NCOA1: variants seen among roughly 807,000 people sequenced by gnomAD.
The protein encoded by NCOA1 is nuclear receptor coactivator 1, also known as Hin-2 protein.
NCOA1 carries 35 observed loss-of-function variants against 150.9 expected under a neutral mutation model. That is an observed-to-expected ratio of 0.23 (90% CI 0.18 to 0.31). The LOEUF (loss-of-function observed/expected upper bound fraction) is 0.31. NCOA1 is among the 10% of genes least tolerant of loss of function. The pLI is 1.00. For synonymous variants in NCOA1, 590 were observed against 630.0 expected, an observed-to-expected ratio of 0.94 and a Z score of 0.95; for missense variants, 1,491 against 1,749.3, an observed-to-expected ratio of 0.85 and a Z score of 2.63.
chr2:24,547,783 T>C (rs773413549), intron 1 of NCOA1, among the ~76,000 whole-genome samples: 1 of 151,702 alleles, frequency 6.6e-6, no homozygotes, highest in Non-Finnish European at 1.5e-5. Context: ...GCTCAGGAGA[T>C]CAAGACCATG....
chr2:24,625,241 C>T (rs914571985), intron 3 of NCOA1, among the ~76,000 whole-genome samples: 1 of 150,770 alleles, frequency 6.6e-6, no homozygotes, highest in Non-Finnish European at 1.5e-5. Flanking sequence ...TGGTATACAC[C>T]TGTAATCCCT....
intron 14 of NCOA1, among the ~76,000 whole-genome samples, chr2:24,722,777 A>T (rs1480278667): frequency 1.3e-5 from 2 of 152,100 alleles, no homozygotes; most frequent in African/African-American, 2.4e-5. Flanking sequence ...GTACCTAAAA[A>T]GATCCATTTT....
At chr2:24,546,804 C>T (rs1449122151) in intron 1 of NCOA1, among the ~76,000 whole-genome samples, 1 of 152,224 alleles carries the variant, frequency 6.6e-6, no homozygotes, top group African/African-American at 2.4e-5. Flanking sequence ...CAGTCTCAGG[C>T]TTTCTTCACA....
At chr2:24,744,567 A>C (rs1001443224) in intron 19 of NCOA1, among the ~76,000 whole-genome samples, 4 of 152,252 alleles carry the variant, frequency 2.6e-5, no homozygotes, top group Admixed American at 1.3e-4. Context: ...GTTCTGGAAA[A>C]GTTCCAGCCT....
intron 1 of NCOA1, among the ~76,000 whole-genome samples, chr2:24,535,063 A>G (rs1208521517): frequency 6.6e-6 from 1 of 152,108 alleles, no homozygotes; most frequent in Non-Finnish European, 1.5e-5. Context: ...AAAGTCTCCC[A>G]TTATTATTAT....
At position 24,583,090 on chromosome 2, in the gene NCOA1, C is replaced by T. The variant is rs1469823606; in HGVS notation, c.-259-1386C>T. Among the ~76,000 whole-genome samples the T allele has an allele frequency of 6.6e-5, 10 of 152,170 alleles. No homozygotes were observed. The East Asian group carries it at 1.9e-3, about 29-fold the overall frequency. On this transcript the variant is annotated intron_variant, in intron 2 of 22. Transcript: ENST00000348332. ...ATGGTATTATATCAAGCTAAAAAACCTCACAGCAGAGAAAACAATCAACAG... is the reference window on the plus strand; with the variant it reads ...ATGGTATTATATCAAGCTAAAAAACTTCACAGCAGAGAAAACAATCAACAG...
At chr2:24,527,069 C>T (rs780097289) in intron 1 of NCOA1, among the ~76,000 whole-genome samples, 6 of 152,054 alleles carry the variant, frequency 3.9e-5, no homozygotes, top group Non-Finnish European at 8.8e-5. Flanking sequence ...GGGAACTAAT[C>T]CCCCACAGAT....
At chr2:24,728,950 A>G (rs1315554334) in intron 16 of NCOA1, among the ~76,000 whole-genome samples, 1 of 152,240 alleles carries the variant, frequency 6.6e-6, no homozygotes, top group East Asian at 1.9e-4. Flanking sequence ...ATGTTTTGTG[A>G]AACTCCTTTC....
chr2:24,663,336 A>G (rs1558883664), intron 5 of NCOA1, among the ~76,000 whole-genome samples: 1 of 152,164 alleles, frequency 6.6e-6, no homozygotes, highest in African/African-American at 2.4e-5. Flanking sequence ...CTCTAGGTCT[A>G]GATGTACTTC....
At chr2:24,494,947 G>C (rs1663136108) in intron 1 of NCOA1, among the ~76,000 whole-genome samples, 1 of 152,136 alleles carries the variant, frequency 6.6e-6, no homozygotes, top group Non-Finnish European at 1.5e-5. Context: ...TGAAGATGAG[G>C]TCTAGTCATT....
chr2:24,607,190 T>G (rs1278786292), intron 3 of NCOA1, among the ~76,000 whole-genome samples: 6 of 73,688 alleles, frequency 8.1e-5, no homozygotes, highest in South Asian at 4.8e-4. Flanking sequence ...GGGTACTGTG[T>G]TTTTTTTTTT....
At chr2:24,536,386 TG>T (rs1665143223) in intron 1 of NCOA1, among the ~76,000 whole-genome samples, 2 of 152,314 alleles carry the variant, frequency 1.3e-5, no homozygotes, top group African/African-American at 4.8e-5. Flanking sequence ...TTCCTTGCAA[TG>T]GGTTAGAACA....
intron 6 of NCOA1, among the ~76,000 whole-genome samples, chr2:24,669,490 G>A (rs1671589960): frequency 6.6e-6 from 1 of 152,002 alleles, no homozygotes; most frequent in Admixed American, 6.6e-5. Flanking sequence ...TCCTACCTTA[G>A]GTTTTCCCTA....
At chr2:24,731,201 GA>G (rs1662994349) in intron 17 of NCOA1, among the ~76,000 whole-genome samples, 1 of 152,152 alleles carries the variant, frequency 6.6e-6, no homozygotes, top group African/African-American at 2.4e-5. Flanking sequence ...ATTCAGGAAG[GA>G]AGAGAAAGAA....
chr2:24,690,630 TG>T (rs1672619383), intron 8 of NCOA1, among the ~76,000 whole-genome samples: 1 of 90,692 alleles, frequency 1.1e-5, no homozygotes, highest in African/African-American at 3.9e-5. Context: ...CCAGCATGGG[TG>T]ACAAAGTGAG....
chr2:24,547,695 A>AG, intron 1 of NCOA1, among the ~76,000 whole-genome samples: 1 of 152,032 alleles, frequency 6.6e-6, no homozygotes, highest in East Asian at 1.9e-4. Flanking sequence ...TTGTTAAAAA[A>AG]AAGGATGAGG....
chr2:24,614,331 C>T (rs374042038), intron 3 of NCOA1, among the ~76,000 whole-genome samples: 3 of 149,352 alleles, frequency 2.0e-5, no homozygotes, highest in South Asian at 4.3e-4. Flanking sequence ...GATCCTCCCA[C>T]CTCAACCTCC....
At chr2:24,589,658 TGTGTGTATGAAA>T (rs1043268008) in intron 3 of NCOA1, among the ~76,000 whole-genome samples, 6 of 149,036 alleles carry the variant, frequency 4.0e-5, no homozygotes, top group South Asian at 4.2e-4. Flanking sequence ...TGTGTGTGTG[TGTGTGTATGAAA>T]GTGTGTGTGT....
intron 2 of NCOA1, among the ~76,000 whole-genome samples, chr2:24,576,155 T>TTTTG (rs762147537): frequency 0.026 from 2,521 of 96,168 alleles, 135 homozygotes; most frequent in African/African-American, 0.091. Context: ...CTTTGTTTTT[T>TTTTG]TTTTTTTGTT....
Sources: allele counts gnomAD v4.1 joint callset (sites outside exome capture counted in the v4.1 genomes callset), GRCh38; gene constraint gnomAD v4.1.1; transcripts MANE v1.5; gene names NCBI Gene and HGNC (gene_info 2026-07-23, HGNC 2026-07-21).